The following CR2 variants were observed in gnomAD, a reference collection of about 807,000 sequenced individuals.
CR2 encodes the protein complement receptor type 2.
In CR2, 96 loss-of-function variants were observed where a neutral mutation model predicts 123.0. That is an observed-to-expected ratio of 0.78 (90% CI 0.66 to 0.93). The LOEUF (loss-of-function observed/expected upper bound fraction) is 0.93. Ranked by LOEUF, CR2 falls within the 40% of genes least tolerant of loss-of-function variation. The pLI is 0.00. For missense variants in CR2, 1,258 were observed against 1,361.0 expected (o/e 0.92, Z 1.19); for synonymous variants, 484 against 469.5 (o/e 1.03, Z -0.40).
At position 207,454,352 on chromosome 1, in the gene CR2, C is replaced by T. The variant is rs758887140; in HGVS notation, c.-67C>T. 1.4e-6 allele frequency: 2 copies of T among 1,383,496 alleles called. No homozygotes were observed. The highest frequency in any genetic ancestry group is 2.0e-6 in the Non-Finnish European group (2 of 1,005,526). 85.7% of individuals were successfully genotyped at this position (1,383,496 alleles called of 1,614,324 possible). A position where few individuals can be genotyped will look rare whatever the true frequency, so the allele number is the denominator to read the frequency against. On this transcript the variant is annotated 5_prime_UTR_variant, in exon 1 of 20. Transcript: ENST00000367057. The surrounding 1 kb of genome is among the most constrained non-coding windows in gnomAD (Gnocchi z 4.3). ...CAGCTGCTTGCTGCTCCAGCCTTGC[C>T]CTCCCAGAGCTGCCGGACGCTCGCG...
chr1:207,473,466 T>C, intron 10 of CR2, 79 bp from the exon 11 acceptor site: 4 of 1,413,714 alleles, frequency 2.8e-6, no homozygotes, highest in Non-Finnish European at 4.0e-6. Context: ...TCAGACTGTC[T>C]GTCCAATGTT....
At position 207,473,199 on chromosome 1, in the gene CR2, G is replaced by T. The variant is rs1658336834; in HGVS notation, c.1978+20G>T. Reference sequence around the variant, plus strand: ...AAAAAGGTAAAAACCCAATAAGGGGGAAAAAAGGAGAGATTTACTTAATTA... The same window carrying T: ...AAAAAGGTAAAAACCCAATAAGGGGTAAAAAAGGAGAGATTTACTTAATTA... On this transcript the variant is annotated intron_variant, in intron 10 of 19. Coordinates refer to ENST00000367057, the MANE Select transcript of CR2 (RefSeq NM_001006658.3). 6.2e-7 allele frequency: 1 copy of T among 1,610,584 alleles called. No individual in the cohort carries two copies. Among genetic ancestry groups the T allele is most frequent in the South Asian group, 1.1e-5 (1 of 90,622 alleles).
intron 18 of CR2, among the ~76,000 whole-genome samples, chr1:207,483,698 C>T (rs183002778): frequency 7.0e-4 from 107 of 151,936 alleles, no homozygotes; most frequent in Non-Finnish European, 1.9e-4. Context: ...CACATGAAGG[C>T]GATGAGGTGG....
In CR2 at chr1:207,454,348, T is replaced by C. The variant is rs3813946; in HGVS notation, c.-71T>C. ...CTCACAGCTGCTTGCTGCTCCAGCC[T>C]TGCCCTCCCAGAGCTGCCGGACGCT... On this transcript the variant is annotated 5_prime_UTR_variant, in exon 1 of 20. Coordinates refer to ENST00000367057, the MANE Select transcript of CR2 (RefSeq NM_001006658.3). This position sits in a 1 kb window ranked among gnomAD's most constrained non-coding sequence, Gnocchi z 4.3. 0.19 allele frequency: 256,197 copies of C among 1,339,174 alleles called. 25,992 individuals are homozygous for C. Among genetic ancestry groups the C allele is most frequent in the Middle Eastern group, 0.25 (1,260 of 4,996 alleles). 83.0% of individuals were successfully genotyped at this position (1,339,174 alleles called of 1,614,324 possible).
intron 17 of CR2, 51 bp from the exon 18 acceptor site, chr1:207,479,927 A>G (rs767674622): frequency 7.4e-7 from 1 of 1,353,514 alleles, no homozygotes; most frequent in African/African-American, 1.4e-5. Flanking sequence ...AGTCAGAACA[A>G]TGTAGGTGAT....
In CR2 at chr1:207,454,908, C is replaced by G. The variant is rs920499433; in HGVS notation, c.58+432C>G. 1 of 164,886 alleles carries G rather than the reference C, an allele frequency of 6.1e-6. No homozygotes were observed. Among genetic ancestry groups the G allele is most frequent in the Non-Finnish European group, 1.3e-5 (1 of 76,232 alleles). 10.2% of individuals were successfully genotyped at this position (164,886 alleles called of 1,614,324 possible). A position where few individuals can be genotyped will look rare whatever the true frequency, so the allele number is the denominator to read the frequency against. On this transcript the variant is annotated intron_variant, in intron 1 of 19. Coordinates refer to ENST00000367057, the MANE Select transcript of CR2 (RefSeq NM_001006658.3). The surrounding 1 kb of genome is among the most constrained non-coding windows in gnomAD (Gnocchi z 4.3). ...TGTTTCTGTACACCCGAACCGCGCTCTTGCCCAGCAAAAGCGGCAGAACCT... is the reference window on the plus strand; with the variant it reads ...TGTTTCTGTACACCCGAACCGCGCTGTTGCCCAGCAAAAGCGGCAGAACCT...
Position 207,466,590 on chromosome 1 carries a change from T to C in CR2, c.123T>C (p.Ile41=), listed in dbSNP as rs1303981942. The C allele has an allele frequency of 1.9e-6, 3 of 1,614,022 alleles. No individual in the cohort carries two copies. Among genetic ancestry groups the C allele is most frequent in the South Asian group, 1.1e-5 (1 of 91,088 alleles). Reference sequence around the variant, plus strand: ...GGATTAGTTATTATTCTACCCCCATTGCTGTTGGTACCGTGATAAGGTACA... The same window carrying C: ...GGATTAGTTATTATTCTACCCCCATCGCTGTTGGTACCGTGATAAGGTACA... ...NGRISYYSTP[I]AVGTVIRYSC... is the part of the protein sequence containing the mutation. Residue 41 remains isoleucine, a synonymous_variant, in exon 2 of 20, where the codon ATT becomes ATC. Coordinates refer to ENST00000367057, the MANE Select transcript of CR2 (RefSeq NM_001006658.3).
At chr1:207,471,210 T>C (rs1658269973) in intron 8 of CR2, 123 bp downstream of exon 8, 1 of 1,034,798 alleles carries the variant, frequency 9.7e-7, no homozygotes, top group Non-Finnish European at 1.5e-6. Context: ...TCATAGGTGC[T>C]TGCCTGTCAC....
In CR2 at chr1:207,473,966, G is replaced by A. The variant is rs957929978; in HGVS notation, c.2240+81G>A. 2.9e-5 allele frequency: 39 copies of A among 1,324,628 alleles called. No individual in the cohort carries two copies. The African/African-American group carries it at 3.9e-4, about 13-fold the overall frequency. 82.1% of individuals were successfully genotyped at this position (1,324,628 alleles called of 1,614,324 possible). On this transcript the variant is annotated intron_variant, in intron 12 of 19. Transcript: ENST00000367057. ...ACTTGACCTTCAACTTGTCTTGGTG[G>A]CATCCTTTAGAGGCTCCTCATTGTC...
Position 207,488,622 on chromosome 1 carries a change from C to CAAAAT in CR2, c.*19-505_*19-501dup, listed in dbSNP as rs201217551. ...CTGCTGACAGAGCGAGACTCCATCT[C>CAAAAT]AAAATAAAATAAAATAAAAAATATA... is the stretch of plus-strand genomic sequence containing the variant. On this transcript the variant is annotated intron_variant, in intron 19 of 19. Transcript: ENST00000367057. Among the ~76,000 whole-genome samples the CAAAAT allele has an allele frequency of 3.9e-5, 6 of 152,122 alleles. No homozygotes were observed. In the East Asian group the frequency reaches 7.7e-4, roughly 20 times the overall value.
intron 1 of CR2, among the ~76,000 whole-genome samples, chr1:207,465,594 G>T (rs963300616): frequency 6.6e-6 from 1 of 152,144 alleles, no homozygotes; most frequent in Admixed American, 6.5e-5. Flanking sequence ...CTGAAACCAA[G>T]TATAGCACTG....
At chr1:207,458,979 ATTTG>A (rs140328089) in intron 1 of CR2, among the ~76,000 whole-genome samples, 1,918 of 152,258 alleles carry the variant, frequency 0.013, 22 homozygotes, top group Non-Finnish European at 0.02. Context: ...AAAAAAAGAT[ATTTG>A]TTTGGGAATA....
At chr1:207,482,766 T>C (rs1288945909) in intron 18 of CR2, among the ~76,000 whole-genome samples, 5 of 152,066 alleles carry the variant, frequency 3.3e-5, no homozygotes, top group South Asian at 2.1e-4. Flanking sequence ...CAGGTGAGCC[T>C]CAAGAGAGTG....
At chr1:207,484,414 G>T (rs772054399) in intron 18 of CR2, among the ~76,000 whole-genome samples, 1 of 152,128 alleles carries the variant, frequency 6.6e-6, no homozygotes, top group Non-Finnish European at 1.5e-5. Context: ...TTTTTTAAAT[G>T]AGATGAGTAA....
rs35264911 is a variant in CR2 at position 207,470,894 on chromosome 1, AC to A, written c.1385del (p.Pro462LeufsTer18). The A allele has an allele frequency of 1.2e-6, 2 of 1,613,626 alleles. No individual in the cohort carries two copies. ...AGTGTACCTCTGAGGGGGTGTGGAC[AC>A]CCCCTGTACCCCAATGCAAAGGTGC... ...IQCTSEGVWT[P>X]PVPQCKVAAC... is the part of the protein sequence containing the mutation. On this transcript the variant is annotated frameshift_variant, in exon 7 of 20. Transcript: ENST00000367057. LOFTEE classifies it high-confidence loss of function.
chr1:207,485,896 TCTTA>T (rs962187451), intron 19 of CR2, among the ~76,000 whole-genome samples: 1 of 151,910 alleles, frequency 6.6e-6, no homozygotes, highest in Non-Finnish European at 1.5e-5. Flanking sequence ...CAAGGGAAGC[TCTTA>T]CTAAGAGAAT....
chr1:207,456,172 C>A (rs1361755522), intron 1 of CR2, among the ~76,000 whole-genome samples: 1 of 152,204 alleles, frequency 6.6e-6, no homozygotes, highest in East Asian at 1.9e-4. Flanking sequence ...GGAATGGGAT[C>A]TCACCGAAGC....
In CR2 at chr1:207,474,291, G is replaced by A. The variant is rs267598339; in HGVS notation, c.2291G>A (p.Gly764Glu). 6.2e-7 allele frequency: 1 copy of A among 1,613,448 alleles called. No individual in the cohort carries two copies. Residue 764 changes from glycine to glutamate, a missense_variant, in exon 13 of 20, where the codon GGA becomes GAA. By Grantham distance (98) the Gly-to-Glu change is moderately conservative. Coordinates refer to ENST00000367057, the MANE Select transcript of CR2 (RefSeq NM_001006658.3). ...AYQMCQDAEN[G>E]IWFKKIPLCK... The stretch of plus-strand genomic sequence containing the variant: ...CAGATGTGTCAAGATGCTGAAAATG[G>A]AATTTGGTTCAAAAAGATTCCACTT...
chr1:207,468,846 G>A lies in CR2; in HGVS notation c.681G>A (p.Lys227=), dbSNP rs1293514059. ...SLGRFPNGKV[K]EPPILRVGVT... is the part of the protein sequence containing the mutation. Reference sequence around the variant, plus strand: ...GACGATTTCCCAATGGGAAGGTAAAGGAGCCTCCAATTCTCCGGGTTGGTG... The same window carrying A: ...GACGATTTCCCAATGGGAAGGTAAAAGAGCCTCCAATTCTCCGGGTTGGTG... The change falls in exon 4 of 20, where the codon AAG becomes AAA. Residue 227 remains lysine (K), a synonymous_variant. Transcript: ENST00000367057. The A allele has an allele frequency of 7.4e-6, 12 of 1,613,920 alleles. No homozygotes were observed. The highest frequency in any genetic ancestry group is 2.7e-5 in the African/African-American group (2 of 74,906).
Sources: gnomAD v4.1 joint callset for allele counts (sites outside exome capture counted in the v4.1 genomes callset) on GRCh38, gnomAD v4.1.1 for gene constraint, Gnocchi (gnomAD v3.1) non-coding constraint, MANE v1.5 for transcripts, NCBI Gene and HGNC (gene_info 2026-07-23, HGNC 2026-07-21) for gene names.